The following SETBP1 variants were observed in gnomAD, a reference collection of about 807,000 sequenced individuals.
SETBP1 encodes SET-binding protein.
SETBP1 carries 9 observed loss-of-function variants against 101.0 expected under a neutral mutation model. The observed-to-expected ratio is 0.09, with a 90% CI of 0.05 to 0.16. SETBP1 has a LOEUF of 0.16. Ranked by LOEUF, SETBP1 falls within the 10% of genes least tolerant of loss-of-function variation. SETBP1 has a pLI of 1.00. For synonymous variants in SETBP1, 818 were observed against 788.5 expected (o/e 1.04, Z -0.63); for missense variants, 1,858 against 2,033.8 (o/e 0.91, Z 1.66).
intron 2 of SETBP1, among the ~76,000 whole-genome samples, chr18:44,705,545 T>C (rs2069199892): frequency 6.6e-6 from 1 of 152,200 alleles, no homozygotes; most frequent in Admixed American, 6.5e-5. Context: ...TTTTTGTTGT[T>C]GTTATTTAAG....
chr18:44,988,702 T>C (rs1410585398), intron 4 of SETBP1: 1 of 152,174 alleles, frequency 6.6e-6, no homozygotes, highest in African/African-American at 2.4e-5. Flanking sequence ...CTAGGATGTA[T>C]GACCAAAAAT....
At chr18:44,688,745 G>A (rs1218867518) in intron 1 of SETBP1, among the ~76,000 whole-genome samples, 4 of 152,110 alleles carry the variant, frequency 2.6e-5, no homozygotes, top group African/African-American at 7.2e-5. Flanking sequence ...GAGCCACCGC[G>A]CCTGGCCAAG....
intron 4 of SETBP1, among the ~76,000 whole-genome samples, chr18:44,993,654 A>T (rs1293376976): frequency 6.6e-6 from 1 of 152,056 alleles, no homozygotes; most frequent in Non-Finnish European, 1.5e-5. Context: ...TGATGAATAG[A>T]AAGATGCATT....
At chr18:44,732,547 C>G (rs187816001) in intron 2 of SETBP1, 2 of 152,226 alleles carry the variant, frequency 1.3e-5, no homozygotes, top group African/African-American at 4.8e-5. Context: ...TTTATTTAGA[C>G]CCTTCTGCCG....
chr18:44,886,976 A>G (rs2069663799), intron 3 of SETBP1, among the ~76,000 whole-genome samples: 1 of 152,094 alleles, frequency 6.6e-6, no homozygotes, highest in Non-Finnish European at 1.5e-5. Context: ...GGCTGAATGA[A>G]TGAGTGAAGG....
At chr18:45,051,496 G>T (rs1176179063) in intron 5 of SETBP1, among the ~76,000 whole-genome samples, 1 of 152,144 alleles carries the variant, frequency 6.6e-6, no homozygotes, top group African/African-American at 2.4e-5. Context: ...GGCTATACAT[G>T]TGCTGGGGCA....
chr18:44,881,979 T>C (rs1394669192), intron 3 of SETBP1, among the ~76,000 whole-genome samples: 6 of 152,122 alleles, frequency 3.9e-5, no homozygotes, highest in Admixed American at 1.3e-4. Context: ...ATAACAAACA[T>C]GTAGCTCTGG....
intron 3 of SETBP1, among the ~76,000 whole-genome samples, chr18:44,940,511 A>G (rs1347459135): frequency 6.6e-6 from 1 of 151,958 alleles, no homozygotes; most frequent in Admixed American, 6.6e-5. Context: ...CCTTGTATTG[A>G]CATTTTAGAT....
In SETBP1 at chr18:44,738,852, G is replaced by T. The variant is rs114740195; in HGVS notation, c.486+37020G>T. 4.6e-3 allele frequency among the ~76,000 whole-genome samples: 692 copies of T among 151,472 alleles called. 4 individuals are homozygous for T. Among genetic ancestry groups the T allele is most frequent in the African/African-American group, 0.016 (648 of 41,348 alleles). ...ATACACACACAGAGTCTCCTTTTATGTGTAACAGTTGCCCACAAACTTAGT... is the reference window on the plus strand; with the variant it reads ...ATACACACACAGAGTCTCCTTTTATTTGTAACAGTTGCCCACAAACTTAGT... On this transcript the variant is annotated intron_variant, in intron 2 of 5. Coordinates refer to ENST00000649279, the MANE Select transcript of SETBP1 (RefSeq NM_015559.3).
intron 4 of SETBP1, among the ~76,000 whole-genome samples, chr18:44,957,428 G>C (rs953078778): frequency 1.3e-5 from 2 of 151,968 alleles, no homozygotes; most frequent in African/African-American, 4.8e-5. Context: ...TTACCTCTTA[G>C]TTTAGTGCCA....
intron 2 of SETBP1, among the ~76,000 whole-genome samples, chr18:44,728,143 C>G (rs1207658249): frequency 1.3e-5 from 2 of 152,208 alleles, no homozygotes; most frequent in East Asian, 3.8e-4. Context: ...TGCACTTCTA[C>G]TCCATTGTGA....
At chr18:44,779,573 G>T (rs1385786536) in intron 2 of SETBP1, among the ~76,000 whole-genome samples, 1 of 152,140 alleles carries the variant, frequency 6.6e-6, no homozygotes, top group African/African-American at 2.4e-5. Flanking sequence ...TGGCAGGAGA[G>T]GATGAGGAAG....
chr18:44,770,832 A>G (rs1202065463), intron 2 of SETBP1, among the ~76,000 whole-genome samples: 1 of 152,116 alleles, frequency 6.6e-6, no homozygotes. Context: ...GGATTCCAGA[A>G]GGCATTCTTG....
chr18:44,722,413 G>A, intron 2 of SETBP1, among the ~76,000 whole-genome samples: 1 of 152,168 alleles, frequency 6.6e-6, no homozygotes, highest in Non-Finnish European at 1.5e-5. Context: ...GTGTGTGTGA[G>A]CAAGAGGCAG....
intron 5 of SETBP1, among the ~76,000 whole-genome samples, chr18:45,052,096 A>G (rs2073732070): frequency 6.6e-6 from 1 of 152,266 alleles, no homozygotes; most frequent in South Asian, 2.1e-4. Context: ...TGCCCCGTAC[A>G]GTGCCTGGCA....
rs183842072 is a variant in SETBP1 at position 44,887,071 on chromosome 18, C to T, written c.540+17788C>T. On this transcript the variant is annotated intron_variant, in intron 3 of 5. Coordinates refer to ENST00000649279, the MANE Select transcript of SETBP1 (RefSeq NM_015559.3). ...GGTCAGATAGAATTGGTTCTAAAAT[C>T]GTGTGGTTCCTCTTAGTAGATGTAT... Among the ~76,000 whole-genome samples the T allele has an allele frequency of 2.8e-4, 43 of 152,134 alleles. No homozygotes were observed. The East Asian group carries it at 6.0e-3, about 21-fold the overall frequency.
chr18:44,693,781 C>G (rs1461224777), intron 1 of SETBP1, among the ~76,000 whole-genome samples: 1 of 152,176 alleles, frequency 6.6e-6, no homozygotes, highest in East Asian at 1.9e-4. Flanking sequence ...ACACCATTTG[C>G]TTTCTTAATC....
chr18:44,708,039 G>C (rs192629655), intron 2 of SETBP1, among the ~76,000 whole-genome samples: 78 of 152,314 alleles, frequency 5.1e-4, no homozygotes, highest in African/African-American at 1.8e-3. Flanking sequence ...TTACACGTGG[G>C]TGAGGAGGGG....
intron 2 of SETBP1, among the ~76,000 whole-genome samples, chr18:44,713,850 C>T (rs1050461504): frequency 9.2e-5 from 14 of 152,176 alleles, no homozygotes; most frequent in Non-Finnish European, 2.9e-5. Flanking sequence ...TGGGCAGAGA[C>T]GTGAATCGAA....
Sources: gnomAD v4.1 joint callset for allele counts (sites outside exome capture counted in the v4.1 genomes callset) on GRCh38, gnomAD v4.1.1 for gene constraint, MANE v1.5 for transcripts, NCBI Gene and HGNC (gene_info 2026-07-23, HGNC 2026-07-21) for gene names.